NKAIN2: variants seen among roughly 807,000 people sequenced by gnomAD.
NKAIN2 encodes sodium/potassium transporting ATPase interacting 2, also known as sodium/potassium-transporting ATPase subunit beta-1-interacting protein 2.
A neutral mutation model predicts 32.6 loss-of-function variants in NKAIN2; 14 were observed. That is an observed-to-expected ratio of 0.43 (90% confidence interval 0.28 to 0.67). The LOEUF is 0.67. Ranked by LOEUF, NKAIN2 falls within the 30% of genes least tolerant of loss-of-function variation. The probability of loss-of-function intolerance (pLI) is 0.17; values close to 1 mark genes in which losing one functional copy is unlikely to be tolerated. For missense variants in NKAIN2, 198 were observed against 258.3 expected, an observed-to-expected ratio of 0.77 and a Z score of 1.60; for synonymous variants, 80 against 87.2, an observed-to-expected ratio of 0.92 and a Z score of 0.46.
intron 1 of NKAIN2, among the ~76,000 whole-genome samples, chr6:123,951,920 A>C (rs1363404676): frequency 6.7e-6 from 1 of 148,230 alleles, no homozygotes; most frequent in Non-Finnish European, 1.5e-5. Context: ...CTATCTGTAC[A>C]GTCTGGCGGT....
chr6:124,410,422 C>A (rs1404254453), intron 3 of NKAIN2, among the ~76,000 whole-genome samples: 2 of 152,146 alleles, frequency 1.3e-5, no homozygotes, highest in East Asian at 3.9e-4. Flanking sequence ...CAAAGGACAT[C>A]TTTATTTCTG....
chr6:123,982,946 T>G (rs1179773497), intron 1 of NKAIN2, among the ~76,000 whole-genome samples: 5 of 152,072 alleles, frequency 3.3e-5, no homozygotes, highest in African/African-American at 9.6e-5. Context: ...CCATTCCCTA[T>G]TCCTTCCTTC....
chr6:124,269,351 A>ATACC (rs1794641212), intron 1 of NKAIN2, among the ~76,000 whole-genome samples: 1 of 152,160 alleles, frequency 6.6e-6, no homozygotes, highest in Admixed American at 6.5e-5. Flanking sequence ...CAGAAATAGC[A>ATACC]TACCTCATGA....
Position 123,839,725 on chromosome 6 carries a change from T to C in NKAIN2, c.54+35471T>C, listed in dbSNP as rs1774789137. 2.0e-5 allele frequency among the ~76,000 whole-genome samples: 3 copies of C among 152,322 alleles called. No individual in the cohort carries two copies. In the South Asian group the frequency reaches 6.2e-4, roughly 32 times the overall value. On this transcript the variant is annotated intron_variant, in intron 1 of 6. Transcript: ENST00000368417. ...GCTTTTAAATAACTGAATGGTTATA[T>C]GTTATTTCCAGTCTCCTTTTTGATT...
chr6:124,254,863 A>G (rs1194058441), intron 1 of NKAIN2, among the ~76,000 whole-genome samples: 2 of 152,212 alleles, frequency 1.3e-5, no homozygotes. Context: ...TCTCTTCATG[A>G]ACACCTAATT....
chr6:123,912,042 G>A (rs180927408), intron 1 of NKAIN2, among the ~76,000 whole-genome samples: 107 of 151,462 alleles, frequency 7.1e-4, no homozygotes, highest in African/African-American at 2.0e-3. Flanking sequence ...TGGAATAATG[G>A]CAGCTCAATA....
intron 1 of NKAIN2, among the ~76,000 whole-genome samples, chr6:123,910,205 C>T (rs184169644): frequency 3.1e-4 from 47 of 152,158 alleles, no homozygotes; most frequent in Non-Finnish European, 5.1e-4. Context: ...AATATGTCTC[C>T]GGCTTGTTGT....
rs140945435 is a variant in NKAIN2 at position 124,455,310 on chromosome 6, G to A, written c.273+99963G>A. Among the ~76,000 whole-genome samples, 205 of 152,094 alleles carry A rather than the reference G, an allele frequency of 1.3e-3. 2 individuals carry two copies. The highest frequency in any genetic ancestry group is 4.7e-3 in the African/African-American group (195 of 41,542). ...TGAGCTGCCCAGCACTCACATATGCGTACAAGCCCTTGTCAGTTAACAAAG... is the reference window on the plus strand; with the variant it reads ...TGAGCTGCCCAGCACTCACATATGCATACAAGCCCTTGTCAGTTAACAAAG... On this transcript the variant is annotated intron_variant, in intron 3 of 6. Coordinates refer to ENST00000368417, the MANE Select transcript of NKAIN2 (RefSeq NM_001040214.3).
intron 1 of NKAIN2, among the ~76,000 whole-genome samples, chr6:124,131,704 G>C (rs1786486646): frequency 6.6e-6 from 1 of 152,126 alleles, no homozygotes; most frequent in Non-Finnish European, 1.5e-5. Context: ...AGCAGCAGTG[G>C]AAAGAGCCTT....
chr6:124,405,809 C>T (rs1251481308), intron 3 of NKAIN2, among the ~76,000 whole-genome samples: 5 of 152,004 alleles, frequency 3.3e-5, no homozygotes, highest in Admixed American at 2.6e-4. Flanking sequence ...TTTGCATTGC[C>T]TGGATTCGGA....
chr6:124,704,459 ATGAATTC>A (rs940186261), intron 4 of NKAIN2, among the ~76,000 whole-genome samples: 43 of 152,150 alleles, frequency 2.8e-4, no homozygotes, highest in Admixed American at 1.4e-3. Context: ...AAGATGGCTG[ATGAATTC>A]TGAATAGCAG....
chr6:124,690,110 CTTCT>C (rs2114535281), intron 4 of NKAIN2, among the ~76,000 whole-genome samples: 1 of 152,158 alleles, frequency 6.6e-6, no homozygotes, highest in Non-Finnish European at 1.5e-5. Flanking sequence ...CATTTATTTA[CTTCT>C]TTGACATTTT....
At position 124,046,943 on chromosome 6, in the gene NKAIN2, A is replaced by G. The variant is rs181271204; in HGVS notation, c.55-236062A>G. On this transcript the variant is annotated intron_variant, in intron 1 of 6. Coordinates refer to ENST00000368417, the MANE Select transcript of NKAIN2 (RefSeq NM_001040214.3). ...AAAATGGTCTACAATTTGACTGAGG[A>G]CTTGAGTTTTTGGTTTTTGGTAAGA... 1.7e-3 allele frequency among the ~76,000 whole-genome samples: 253 copies of G among 152,056 alleles called. 1 individual carries two copies. The highest frequency in any genetic ancestry group is 5.7e-3 in the African/African-American group (238 of 41,498).
intron 3 of NKAIN2, among the ~76,000 whole-genome samples, chr6:124,471,153 G>C (rs1475335746): frequency 2.0e-5 from 3 of 151,924 alleles, no homozygotes; most frequent in African/African-American, 7.3e-5. Flanking sequence ...TGCTTTCCTT[G>C]CTTTTATTCT....
At chr6:124,363,869 C>A (rs1204994226) in intron 3 of NKAIN2, among the ~76,000 whole-genome samples, 3 of 151,740 alleles carry the variant, frequency 2.0e-5, no homozygotes, top group Non-Finnish European at 4.4e-5. Context: ...ATTACAGATG[C>A]TAAAAGAAAG....
chr6:124,156,921 G>A (rs1004091295), intron 1 of NKAIN2, among the ~76,000 whole-genome samples: 2 of 151,650 alleles, frequency 1.3e-5, no homozygotes, highest in African/African-American at 2.4e-5. Context: ...TGGCCAACAT[G>A]GTAAAACCCC....
chr6:124,799,666 G>A (rs1434250505), intron 5 of NKAIN2, among the ~76,000 whole-genome samples: 1 of 152,166 alleles, frequency 6.6e-6, no homozygotes, highest in Non-Finnish European at 1.5e-5. Flanking sequence ...AACAAAAGAG[G>A]TATTTTTTAT....
chr6:124,685,513 C>A (rs1240777707), intron 4 of NKAIN2, among the ~76,000 whole-genome samples: 2 of 151,854 alleles, frequency 1.3e-5, no homozygotes, highest in African/African-American at 4.8e-5. Flanking sequence ...ATGAGGATAA[C>A]AATAAAGAAT....
chr6:124,524,516 T>TAC (rs1779239627), intron 3 of NKAIN2, among the ~76,000 whole-genome samples: 1 of 152,180 alleles, frequency 6.6e-6, no homozygotes, highest in African/African-American at 2.4e-5. Flanking sequence ...CCATCCATAC[T>TAC]TGTTTCTAGC....
Sources: allele counts gnomAD v4.1 joint callset (sites outside exome capture counted in the v4.1 genomes callset), GRCh38; gene constraint gnomAD v4.1.1; transcripts MANE v1.5; gene names NCBI Gene and HGNC (gene_info 2026-07-23, HGNC 2026-07-21).